Variants in TTC28 observed in about 807,000 individuals in gnomAD.
TTC28 encodes the protein tetratricopeptide repeat domain 28, also known as tetratricopeptide repeat protein 28.
A neutral mutation model predicts 198.0 loss-of-function variants in TTC28; 61 were observed. The observed-to-expected ratio is 0.31, with a 90% CI of 0.25 to 0.38. The LOEUF (loss-of-function observed/expected upper bound fraction) is 0.38. Ranked by LOEUF, TTC28 falls within the 10% of genes least tolerant of loss-of-function variation. TTC28 has a pLI of 1.00. For missense variants in TTC28, 2,678 were observed against 3,164.0 expected, an observed-to-expected ratio of 0.85 and a Z score of 3.69; for synonymous variants, 1,171 against 1,297.8, an observed-to-expected ratio of 0.90 and a Z score of 2.10.
At chr22:28,563,638 A>T (rs577668565) in intron 2 of TTC28, among the ~76,000 whole-genome samples, 4 of 152,292 alleles carry the variant, frequency 2.6e-5, no homozygotes, top group African/African-American at 7.2e-5. Flanking sequence ...CTATAATTTT[A>T]AAAATGGAAA....
At chr22:28,053,289 T>A (rs8135181) in intron 12 of TTC28, among the ~76,000 whole-genome samples, 2,306 of 152,312 alleles carry the variant, frequency 0.015, 60 homozygotes, top group African/African-American at 0.053. Context: ...TCTACATGAT[T>A]CAAATTATTC....
chr22:28,272,717 G>T (rs772678018), intron 5 of TTC28, among the ~76,000 whole-genome samples: 1 of 152,078 alleles, frequency 6.6e-6, no homozygotes, highest in Non-Finnish European at 1.5e-5. Context: ...GGGATGGAAG[G>T]GACCAAATCC....
intron 3 of TTC28, 66 bp from the exon 4 acceptor site, chr22:28,297,918 T>C: frequency 6.9e-7 from 1 of 1,454,454 alleles, no homozygotes; most frequent in Non-Finnish European, 9.3e-7. Context: ...AACAATCTTT[T>C]CTAATACGCT....
chr22:28,535,782 G>A (rs1460663531), intron 2 of TTC28, among the ~76,000 whole-genome samples: 1 of 151,984 alleles, frequency 6.6e-6, no homozygotes, highest in African/African-American at 2.4e-5. Context: ...TCTCCTCCTG[G>A]CCATGTGAAG....
chr22:28,105,916 A>T (rs2146895330), intron 7 of TTC28, 114 bp from the exon 8 acceptor site: 1 of 1,255,466 alleles, frequency 8.0e-7, no homozygotes, highest in African/African-American at 1.5e-5. Flanking sequence ...AGAAGCTCTT[A>T]ACTCCTCTTC....
At chr22:28,390,246 G>C in intron 2 of TTC28, among the ~76,000 whole-genome samples, 1 of 152,030 alleles carries the variant, frequency 6.6e-6, no homozygotes, top group East Asian at 1.9e-4. Context: ...ATTTGCTGAG[G>C]AGAGCTTTAC....
At chr22:28,532,891 AT>A (rs1489729400) in intron 2 of TTC28, among the ~76,000 whole-genome samples, 1 of 152,216 alleles carries the variant, frequency 6.6e-6, no homozygotes, top group Non-Finnish European at 1.5e-5. Flanking sequence ...TAAACTAGGT[AT>A]TGATGGGACG....
At chr22:28,514,990 C>A (rs144602084) in intron 2 of TTC28, among the ~76,000 whole-genome samples, 3 of 152,158 alleles carry the variant, frequency 2.0e-5, no homozygotes, top group Non-Finnish European at 4.4e-5. Context: ...TTTTGAATAA[C>A]GAAGTGAATA....
At chr22:28,179,309 G>A (rs1923479447) in intron 5 of TTC28, among the ~76,000 whole-genome samples, 2 of 151,956 alleles carry the variant, frequency 1.3e-5, no homozygotes, top group South Asian at 4.2e-4. Context: ...ACAGGTGTGT[G>A]CCACCATGCA....
chr22:28,494,512 A>G (rs1417589317), intron 2 of TTC28, among the ~76,000 whole-genome samples: 2 of 152,124 alleles, frequency 1.3e-5, no homozygotes, highest in African/African-American at 4.8e-5. Context: ...AGTTTAACCT[A>G]TCAGAAACTG....
chr22:28,058,003 C>T (rs1314957126), intron 12 of TTC28, among the ~76,000 whole-genome samples: 2 of 152,072 alleles, frequency 1.3e-5, no homozygotes, highest in Non-Finnish European at 2.9e-5. Context: ...CTTTATAAGT[C>T]CTGGAGTCAA....
At chr22:28,309,090 T>C (rs779671428) in intron 2 of TTC28, among the ~76,000 whole-genome samples, 5 of 152,202 alleles carry the variant, frequency 3.3e-5, no homozygotes, top group Non-Finnish European at 7.3e-5. Context: ...TTGTAAGTTA[T>C]TGAAATAGAA....
chr22:28,003,751 G>A (rs888460621), intron 14 of TTC28, among the ~76,000 whole-genome samples: 4 of 152,212 alleles, frequency 2.6e-5, no homozygotes, highest in African/African-American at 9.6e-5. Context: ...TGCTAACTCT[G>A]CCCACGAAAC....
At chr22:28,251,504 TG>T (rs1184334324) in intron 5 of TTC28, among the ~76,000 whole-genome samples, 1 of 152,124 alleles carries the variant, frequency 6.6e-6, no homozygotes, top group Admixed American at 6.6e-5. Context: ...GCTACAAAAC[TG>T]GAAATGTGAG....
intron 13 of TTC28, among the ~76,000 whole-genome samples, chr22:28,018,334 A>G (rs1350947629): frequency 1.4e-5 from 2 of 147,392 alleles, no homozygotes; most frequent in African/African-American, 5.0e-5. Context: ...ACCTGTCCCT[A>G]GAGAGATCCT....
At chr22:28,249,329 G>GA (rs953818861) in intron 5 of TTC28, among the ~76,000 whole-genome samples, 3 of 151,600 alleles carry the variant, frequency 2.0e-5, no homozygotes, top group African/African-American at 7.3e-5. Context: ...TGGCACGCAG[G>GA]AAAAAAAATG....
chr22:28,397,090 A>G (rs1241081810), intron 2 of TTC28, among the ~76,000 whole-genome samples: 1 of 152,232 alleles, frequency 6.6e-6, no homozygotes, highest in Non-Finnish European at 1.5e-5. Flanking sequence ...TATTTATTGA[A>G]CATCTTTTAT....
At chr22:28,351,483 G>T (rs192423198) in intron 2 of TTC28, among the ~76,000 whole-genome samples, 145 of 152,202 alleles carry the variant, frequency 9.5e-4, no homozygotes, top group Non-Finnish European at 1.6e-3. Flanking sequence ...GTGAATAATT[G>T]AAGACAAAAT....
chr22:28,127,859 C>T (rs1205513214), intron 6 of TTC28, among the ~76,000 whole-genome samples: 1 of 150,288 alleles, frequency 6.7e-6, no homozygotes. Flanking sequence ...CTCCAAGTAG[C>T]TGGGACTACA....
Sources: gnomAD v4.1 joint callset for allele counts (sites outside exome capture counted in the v4.1 genomes callset) on GRCh38, gnomAD v4.1.1 for gene constraint, MANE v1.5 for transcripts, NCBI Gene and HGNC (gene_info 2026-07-23, HGNC 2026-07-21) for gene names.